AMELY: variants seen among roughly 807,000 people sequenced by gnomAD.
The protein encoded by AMELY is amelogenin, Y isoform.
AMELY carries 4 observed loss-of-function variants against 4.2 expected under a neutral mutation model. That is an observed-to-expected ratio of 0.96 (90% CI 0.47 to 2.19). The LOEUF is 2.19. Ranked by LOEUF, AMELY falls within the 30% of genes most tolerant of loss-of-function variation. The pLI, the probability that AMELY is intolerant of heterozygous loss-of-function variation, is 0.02. For synonymous variants in AMELY, 11 were observed against 14.7 expected (o/e 0.75, Z 0.57); for missense variants, 32 against 41.5 (o/e 0.77, Z 0.63).
chrY:6,879,216 C>A (rs1603021955), intron 1 of AMELY, among the ~76,000 whole-genome samples: 1 of 32,672 alleles, frequency 3.1e-5, no homozygotes, highest in African/African-American at 1.2e-4. Flanking sequence ...TTAATGATCG[C>A]CATTCTAACT....
chrY:6,886,271 G>C (rs2054080053), intron 1 of AMELY, among the ~76,000 whole-genome samples: 1 of 33,802 alleles, frequency 3.0e-5, no homozygotes, highest in Non-Finnish European at 7.3e-5. Context: ...AAAGTCAAGA[G>C]TTGAAATAAA....
intron 1 of AMELY, among the ~76,000 whole-genome samples, chrY:6,904,915 G>C (rs2011658607): frequency 3.0e-5 from 1 of 33,754 alleles, no homozygotes; most frequent in Non-Finnish European, 7.3e-5. Context: ...GTTACCCACA[G>C]AAGATGGCAG....
At chrY:6,893,503 A>G (rs2054084692) in intron 1 of AMELY, among the ~76,000 whole-genome samples, 1 of 33,268 alleles carries the variant, frequency 3.0e-5, no homozygotes, top group East Asian at 8.0e-4. Flanking sequence ...CTTCTTTCAC[A>G]AGACGTGTAT....
At chrY:6,869,359 C>T in intron 4 of AMELY, among the ~76,000 whole-genome samples, 1 of 33,246 alleles carries the variant, frequency 3.0e-5, no homozygotes. Flanking sequence ...AGTAAATAAA[C>T]TCACAGATTG....
At chrY:6,883,460 G>C (rs2054076587) in intron 1 of AMELY, among the ~76,000 whole-genome samples, 2 of 32,566 alleles carry the variant, frequency 6.1e-5, no homozygotes, top group Admixed American at 5.7e-4. Flanking sequence ...GAATAGGGGA[G>C]GGATAGTATT....
At chrY:6,887,863 G>T (rs1306045737) in intron 1 of AMELY, among the ~76,000 whole-genome samples, 1 of 33,368 alleles carries the variant, frequency 3.0e-5, no homozygotes, top group Admixed American at 2.8e-4. Context: ...AGTATTTCAT[G>T]GTATATACGT....
At chrY:6,899,968 C>G (rs753678628) in intron 1 of AMELY, among the ~76,000 whole-genome samples, 16 of 33,453 alleles carry the variant, frequency 4.8e-4, no homozygotes, top group African/African-American at 1.9e-3. Context: ...TTGCTTGAAC[C>G]CAGGTGTTGG....
chrY:6,870,799 A>C, intron 3 of AMELY, among the ~76,000 whole-genome samples: 1 of 33,292 alleles, frequency 3.0e-5, no homozygotes, highest in East Asian at 7.9e-4. Context: ...AAAAGGCCAC[A>C]TGAATGATAA....
Position 6,893,926 on chromosome Y carries a change from C to T in AMELY, c.-113+17747G>A, listed in dbSNP as rs750490824. On this transcript the variant is annotated intron_variant, in intron 1 of 6. Coordinates refer to ENST00000651267, the MANE Select transcript of AMELY (RefSeq NM_001143.2). The stretch of plus-strand genomic sequence containing the variant: ...AAAATTGTAATCCTCTTACTATAAT[C>T]GTTCACAACCCTAATTCAGCTCAAT... Among the ~76,000 whole-genome samples the T allele has an allele frequency of 1.8e-4, 6 of 32,990 alleles. No homozygotes were observed. In the South Asian group the frequency reaches 4.2e-3, roughly 23 times the overall value. 88.5% of individuals were successfully genotyped at this position (32,990 alleles called of 37,273 possible). A position where few individuals can be genotyped will look rare whatever the true frequency, so the allele number is the denominator to read the frequency against.
chrY:6,884,170 C>G, intron 1 of AMELY, among the ~76,000 whole-genome samples: 1 of 30,504 alleles, frequency 3.3e-5, no homozygotes, highest in Non-Finnish European at 7.7e-5. Flanking sequence ...CGTCTGCAAA[C>G]TATCACAAGA....
intron 1 of AMELY, among the ~76,000 whole-genome samples, chrY:6,897,220 G>T: frequency 3.0e-5 from 1 of 33,525 alleles, no homozygotes. Context: ...GCAACATGAT[G>T]CACAGAAGAA....
intron 3 of AMELY, among the ~76,000 whole-genome samples, chrY:6,871,990 C>CA (rs2054068348): frequency 6.6e-5 from 2 of 30,207 alleles, no homozygotes; most frequent in African/African-American, 2.6e-4. Context: ...ACAACAACAA[C>CA]AACAAAAAAA....
chrY:6,885,219 C>T, intron 1 of AMELY, among the ~76,000 whole-genome samples: 2 of 33,800 alleles, frequency 5.9e-5, no homozygotes, highest in Admixed American at 2.8e-4. Context: ...GTGACTCATG[C>T]CTGTAATCCC....
chrY:6,902,370 G>T, intron 1 of AMELY, among the ~76,000 whole-genome samples: 3 of 33,289 alleles, frequency 9.0e-5, no homozygotes, highest in Non-Finnish European at 1.5e-4. Context: ...TTCCCATTCT[G>T]TATTTCCTTT....
intron 1 of AMELY, among the ~76,000 whole-genome samples, chrY:6,901,644 A>G: frequency 6.0e-5 from 2 of 33,219 alleles, no homozygotes; most frequent in African/African-American, 1.2e-4. Context: ...AACTAATGGA[A>G]TATATATGCA....
rs201908684 is a variant in AMELY at position 6,900,889 on chromosome Y, G to A, written c.-113+10784C>T. 397 of 20,468 alleles carry A rather than the reference G, an allele frequency of 0.019. No individual in the cohort carries two copies. The East Asian group carries it at 0.71, about 36-fold the overall frequency. 5.1% of individuals were successfully genotyped at this position (20,468 alleles called of 400,897 possible). ...GACAGAGTTGTGCTCTGTCACCCAGGCTGGAGTGCAGTGGTGTGATCTTGG... is the reference window on the plus strand; with the variant it reads ...GACAGAGTTGTGCTCTGTCACCCAGACTGGAGTGCAGTGGTGTGATCTTGG... On this transcript the variant is annotated intron_variant, in intron 1 of 6. Transcript: ENST00000651267.
rs2054068966 is a variant in AMELY, at chrY:6,872,539, A to G, written c.54+16T>C. The G allele has an allele frequency of 5.1e-6, 2 of 391,101 alleles. No homozygotes were observed. Among genetic ancestry groups the G allele is most frequent in the East Asian group, 1.9e-4 (2 of 10,732 alleles). ...TGTAAATTGGACACAACTTATGCAA[A>G]GAATGTTTTACTCACAGGCATGGCA... On this transcript the variant is annotated intron_variant, in intron 3 of 6. Transcript: ENST00000651267.
chrY:6,885,936 T>C (rs759987031), intron 1 of AMELY, among the ~76,000 whole-genome samples: 1 of 34,500 alleles, frequency 2.9e-5, no homozygotes, highest in Admixed American at 2.6e-4. Context: ...GCTCATCACC[T>C]GGGTGGTGGA....
intron 2 of AMELY, among the ~76,000 whole-genome samples, chrY:6,873,541 G>T (rs2054069955): frequency 3.0e-5 from 1 of 33,013 alleles, no homozygotes; most frequent in Non-Finnish European, 7.5e-5. Flanking sequence ...GTACTACATT[G>T]ATGTTGTATC....
Sources: allele counts gnomAD v4.1 joint callset (sites outside exome capture counted in the v4.1 genomes callset), GRCh38; gene constraint gnomAD v4.1.1; transcripts MANE v1.5; gene names NCBI Gene and HGNC (gene_info 2026-07-23, HGNC 2026-07-21).